RYR1: variants seen among roughly 807,000 people sequenced by gnomAD.
RYR1 encodes the protein central core disease of muscle.
In RYR1, 342 loss-of-function variants were observed where a neutral mutation model predicts 583.5. That is an observed-to-expected ratio of 0.59 (90% confidence interval 0.54 to 0.64). The LOEUF is 0.64. Among genes scored for constraint, RYR1 ranks in the 30% least tolerant of loss-of-function variants. RYR1 has a pLI of 0.00. For missense variants in RYR1, 6,032 were observed against 6,917.2 expected (o/e 0.87, Z 4.54); for synonymous variants, 2,791 against 2,822.5 (o/e 0.99, Z 0.35).
Position 38,512,283 on chromosome 19 carries a change from G to A in RYR1, c.9272G>A (p.Gly3091Asp). ...MKSGPEIVKA[G>D]LRSFFESASE... ...TCAGGCCCTGAGATCGTGAAGGCTG[G>A]CCTCCGCTCCTTCTTCGAGAGTGCC... The change falls in exon 63 of 106, where the codon GGC becomes GAC. Residue 3091 changes from glycine (G) to aspartate (D), a missense_variant. Around this residue, in one of 11 missense-constraint regions of RYR1, gnomAD observed 1,493 missense variants for 1,715.5 expected, o/e 0.87. Transcript: ENST00000359596. The surrounding 1 kb of genome is among the most constrained non-coding windows in gnomAD (Gnocchi z 5.1). The A allele has an allele frequency of 6.2e-7, 1 of 1,614,248 alleles. No individual in the cohort carries two copies. Among genetic ancestry groups the A allele is most frequent in the Non-Finnish European group, 8.5e-7 (1 of 1,180,048 alleles).
intron 89 of RYR1, among the ~76,000 whole-genome samples, chr19:38,552,627 C>T (rs992411322): frequency 6.6e-6 from 1 of 152,172 alleles, no homozygotes; most frequent in Non-Finnish European, 1.5e-5. Flanking sequence ...CTTAAGGTCA[C>T]CCATCTTAAT....
chr19:38,498,858 C>T (rs1184038267), intron 42 of RYR1, among the ~76,000 whole-genome samples: 1 of 152,210 alleles, frequency 6.6e-6, no homozygotes, highest in Non-Finnish European at 1.5e-5. Context: ...TTGTGCCAAC[C>T]TTCTATCTTG....
chr19:38,502,807 G>GGGCAGGGGCAGA (rs1970236325), intron 48 of RYR1, 73 bp from the exon 49 acceptor site: 1 of 1,086,740 alleles, frequency 9.2e-7, no homozygotes, highest in Admixed American at 3.2e-5. Context: ...GCAGGGGCAG[G>GGGCAGGGGCAGA]GGGAGGAGCA....
rs2145419692 is a variant in RYR1 at position 38,460,654 on chromosome 19, C to G, written c.2577+63C>G. 3 of 1,466,558 alleles carry G rather than the reference C, an allele frequency of 2.0e-6. No individual in the cohort carries two copies. In the East Asian group the frequency reaches 6.8e-5, roughly 33 times the overall value. 90.8% of individuals were successfully genotyped at this position (1,466,558 alleles called of 1,614,324 possible). Reference sequence around the variant, plus strand: ...GGTCTCTTAGGAGTCAGAGAGGGGGCAGGGTGCCATCGTTCATGCCTGTAA... The same window carrying G: ...GGTCTCTTAGGAGTCAGAGAGGGGGGAGGGTGCCATCGTTCATGCCTGTAA... On this transcript the variant is annotated intron_variant, in intron 20 of 105. Transcript: ENST00000359596.
chr19:38,471,293 C>A (rs1363421597), intron 27 of RYR1, among the ~76,000 whole-genome samples: 1 of 152,142 alleles, frequency 6.6e-6, no homozygotes, highest in Non-Finnish European at 1.5e-5. Context: ...CTGTGGGAAG[C>A]CAAGGTGGGA....
At chr19:38,557,878 G>A (rs1485571406) in intron 89 of RYR1, among the ~76,000 whole-genome samples, 1 of 151,864 alleles carries the variant, frequency 6.6e-6, no homozygotes, top group African/African-American at 2.4e-5. Flanking sequence ...TACTCGGGAG[G>A]CTGAGGCAGG....
intron 56 of RYR1, 137 bp downstream of exon 56, chr19:38,506,683 T>A (rs2915957): frequency 6.8e-7 from 1 of 1,477,832 alleles, no homozygotes; most frequent in Middle Eastern, 1.7e-4. Flanking sequence ...CATGGGGTAA[T>A]GAGATGAGCA....
At chr19:38,528,838 AGG>A (rs1971602728) in intron 75 of RYR1, 111 bp from the exon 76 acceptor site, 20 of 1,429,184 alleles carry the variant, frequency 1.4e-5, no homozygotes, top group Admixed American at 3.7e-5. Context: ...GAACCAAAGT[AGG>A]GCGCAGGATG....
Position 38,499,844 on chromosome 19 carries a change from C to T in RYR1, c.7214+23C>T. 6.2e-7 allele frequency: 1 copy of T among 1,611,056 alleles called. No individual in the cohort carries two copies. Among genetic ancestry groups the T allele is most frequent in the Non-Finnish European group, 8.5e-7 (1 of 1,179,614 alleles). ...GCAGTGAGTCTCCCGGCCCCCTCCT[C>T]AATAGGGCAACCCGCCCTCCCTGGC... On this transcript the variant is annotated intron_variant, in intron 44 of 105. Transcript: ENST00000359596. The surrounding 1 kb of genome is among the most constrained non-coding windows in gnomAD (Gnocchi z 7.3).
chr19:38,485,647 C>G lies in RYR1; in HGVS notation c.4992C>G (p.His1664Gln). 1 of 1,610,714 alleles carries G rather than the reference C, an allele frequency of 6.2e-7. No homozygotes were observed. Among genetic ancestry groups the G allele is most frequent in the Non-Finnish European group, 8.5e-7 (1 of 1,179,928 alleles). Residue 1664 changes from histidine to glutamine, a missense_variant, in exon 34 of 106, where the codon CAC becomes CAG. By Grantham distance (24) the His-to-Gln change is conservative (BLOSUM62 0). Around this residue, in one of 11 missense-constraint regions of RYR1, gnomAD observed 2,627 missense variants for 2,961.3 expected, o/e 0.89. Coordinates refer to ENST00000359596, the MANE Select transcript of RYR1 (RefSeq NM_000540.3). The stretch of plus-strand genomic sequence containing the variant: ...TGGACCTGCAGCGCTTCCACTCGCA[C>G]ACCCTGCGCCTCTACCGCGCTGTGT... ...ERLDLQRFHSHTLRLYRAVCA... is the reference protein window; with the variant it reads ...ERLDLQRFHSQTLRLYRAVCA...
chr19:38,491,285 A>T (rs1353133098), intron 37 of RYR1, among the ~76,000 whole-genome samples: 1 of 152,150 alleles, frequency 6.6e-6, no homozygotes, highest in Non-Finnish European at 1.5e-5. Flanking sequence ...TTGGATATAT[A>T]CTTACTTTTT....
rs368399715 is a variant in RYR1 at position 38,483,399 on chromosome 19, G to A, written c.4817G>A (p.Arg1606His). Residue 1606 changes from arginine (R) to histidine (H), a missense_variant, in exon 33 of 106, where the codon CGC (arginine) becomes CAC (histidine). Arg to His is a conservative substitution (Grantham distance 29, BLOSUM62 0). Coordinates refer to ENST00000359596, the MANE Select transcript of RYR1 (RefSeq NM_000540.3). This position sits in a 1 kb window ranked among gnomAD's most constrained non-coding sequence, Gnocchi z 6.3. ...MQMLMPVSWS[R>H]MPNHFLQVET... ...ATGCTGATGCCAGTGTCCTGGAGCCGCATGCCCAACCACTTCCTGCAGGTG... is the reference window on the plus strand; with the variant it reads ...ATGCTGATGCCAGTGTCCTGGAGCCACATGCCCAACCACTTCCTGCAGGTG... The A allele has an allele frequency of 1.1e-5, 18 of 1,570,594 alleles. No homozygotes were observed. Among genetic ancestry groups the A allele is most frequent in the East Asian group, 7.0e-5 (3 of 43,070 alleles).
chr19:38,572,872 A>G (rs887089145), intron 95 of RYR1, among the ~76,000 whole-genome samples: 2 of 123,570 alleles, frequency 1.6e-5, no homozygotes, highest in South Asian at 2.8e-4. Context: ...GTGCCCCCCA[A>G]TTCCAGCCCT....
rs755925039 is a variant in RYR1, at chr19:38,502,588, G to T, written c.7696G>T (p.Ala2566Ser). 1 of 1,612,614 alleles carries T rather than the reference G, an allele frequency of 6.2e-7. No homozygotes were observed. Among genetic ancestry groups the T allele is most frequent in the Non-Finnish European group, 8.5e-7 (1 of 1,179,908 alleles). The part of the protein sequence containing the change: ...LAVLPLITKC[A>S]PLFAGTEHRA... ...CGTGCTGCCGCTCATCACCAAGTGT[G>T]CGCCGCTCTTTGCGGGCACAGAACA... Residue 2566 changes from alanine (A) to serine (S), a missense_variant, in exon 48 of 106, where the codon GCG becomes TCG. Around this residue, in one of 11 missense-constraint regions of RYR1, gnomAD observed 250 missense variants for 162.3 expected, o/e 1.54. Coordinates refer to ENST00000359596, the MANE Select transcript of RYR1 (RefSeq NM_000540.3).
chr19:38,565,486 C>G lies in RYR1; in HGVS notation c.13152C>G (p.Pro4384=), dbSNP rs769515592. 68 of 1,505,572 alleles carry G rather than the reference C, an allele frequency of 4.5e-5. No homozygotes were observed. Among genetic ancestry groups the G allele is most frequent in the Non-Finnish European group, 5.8e-5 (66 of 1,134,758 alleles). The allele number at this position is 1,505,572 out of a possible 1,614,324, so 93.3% of individuals were successfully genotyped here. The change falls in exon 91 of 106, where the codon CCC becomes CCG. Residue 4384 remains proline (P), a synonymous_variant. Transcript: ENST00000359596. The surrounding 1 kb of genome is among the most constrained non-coding windows in gnomAD (Gnocchi z 4.7). ...TGACCGAGCTCCTGGCAGGCATGCC[C>G]GACCCCACCAGCGACGAGGTGCACG... ...VTVTELLAGM[P]DPTSDEVHGE...
chr19:38,545,171 G>T (rs1467249476), intron 87 of RYR1, among the ~76,000 whole-genome samples: 1 of 152,110 alleles, frequency 6.6e-6, no homozygotes, highest in East Asian at 1.9e-4. Context: ...AGCTTTGACT[G>T]ACCAGGCCCG....
Position 38,528,333 on chromosome 19 carries a change from G to A in RYR1, c.10852G>A (p.Ala3618Thr), listed in dbSNP as rs978802618. Residue 3618 changes from alanine to threonine, a missense_variant, in exon 74 of 106, where the codon GCC (alanine) becomes ACC (threonine). Ala to Thr is a moderately conservative substitution (Grantham distance 58, BLOSUM62 0). This residue lies in a region of RYR1 where 1,493 missense variants were observed against 1,715.5 expected (regional missense o/e 0.87). Transcript: ENST00000359596. ...CGAGCACCCTTACAAGTCTAAGAAGGCCGTGTGGCACAAGCTTTTGTCCAA... is the reference window on the plus strand; with the variant it reads ...CGAGCACCCTTACAAGTCTAAGAAGACCGTGTGGCACAAGCTTTTGTCCAA... Reference protein sequence around the residue: ...QTEHPYKSKKAVWHKLLSKQR... With the variant: ...QTEHPYKSKKTVWHKLLSKQR... The A allele has an allele frequency of 1.2e-6, 2 of 1,614,120 alleles. No homozygotes were observed. The highest frequency in any genetic ancestry group is 1.7e-5 in the Admixed American group (1 of 60,008).
At position 38,499,797 on chromosome 19, in the gene RYR1, T is replaced by A; in HGVS notation, c.7190T>A (p.Ile2397Asn). 1 of 1,604,902 alleles carries A rather than the reference T, an allele frequency of 6.2e-7. No homozygotes were observed. Among genetic ancestry groups the A allele is most frequent in the Non-Finnish European group, 8.5e-7 (1 of 1,179,162 alleles). Reference protein sequence around the residue: ...SEDPARDGPGIRRDRRREHFG... With the variant: ...SEDPARDGPGNRRDRRREHFG... Reference sequence around the variant, plus strand: ...GACCCTGCGAGGGATGGCCCAGGCATCCGCAGGGACCGGCGGCGCGAGCAG... The same window carrying A: ...GACCCTGCGAGGGATGGCCCAGGCAACCGCAGGGACCGGCGGCGCGAGCAG... Residue 2397 changes from isoleucine to asparagine, a missense_variant, in exon 44 of 106, where the codon ATC becomes AAC. Coordinates refer to ENST00000359596, the MANE Select transcript of RYR1 (RefSeq NM_000540.3). The surrounding 1 kb of genome is among the most constrained non-coding windows in gnomAD (Gnocchi z 7.3).
chr19:38,573,644 C>A (rs1185055228), intron 96 of RYR1, among the ~76,000 whole-genome samples: 2 of 151,554 alleles, frequency 1.3e-5, no homozygotes, highest in East Asian at 3.9e-4. Context: ...CGCACCATTA[C>A]ACTCCAGCCT....
Sources: gnomAD v4.1 joint callset for allele counts (sites outside exome capture counted in the v4.1 genomes callset) on GRCh38, gnomAD v4.1.1 for gene constraint, gnomAD v4.1.1 regional missense constraint, Gnocchi (gnomAD v3.1) non-coding constraint, MANE v1.5 for transcripts, NCBI Gene and HGNC (gene_info 2026-07-23, HGNC 2026-07-21) for gene names.